CACNA2D3: variants seen among roughly 807,000 people sequenced by gnomAD.
CACNA2D3 encodes voltage-dependent calcium channel subunit alpha-2/delta-3.
CACNA2D3 carries 60 observed loss-of-function variants against 160.6 expected under a neutral mutation model. That is an observed-to-expected ratio of 0.37 (90% CI 0.30 to 0.46). The LOEUF (loss-of-function observed/expected upper bound fraction) is 0.46, where lower values mean the gene tolerates loss of function less well. CACNA2D3 is among the 20% of genes least tolerant of loss of function. The pLI is 1.00. For synonymous variants in CACNA2D3, 558 were observed against 492.9 expected, an observed-to-expected ratio of 1.13 and a Z score of -1.75; for missense variants, 1,205 against 1,365.0, an observed-to-expected ratio of 0.88 and a Z score of 1.85.
intron 3 of CACNA2D3, among the ~76,000 whole-genome samples, chr3:54,341,538 T>C (rs527905395): frequency 3.3e-5 from 5 of 152,294 alleles, no homozygotes; most frequent in Non-Finnish European, 7.4e-5. Flanking sequence ...TGGCATCTGG[T>C]GTACATAGGA....
intron 2 of CACNA2D3, among the ~76,000 whole-genome samples, chr3:54,200,373 G>A (rs1408290204): frequency 6.6e-6 from 1 of 152,306 alleles, no homozygotes; most frequent in South Asian, 2.1e-4. Context: ...GAAATAATTT[G>A]TGGTTTTCAG....
chr3:54,212,863 T>C (rs965716205), intron 2 of CACNA2D3, among the ~76,000 whole-genome samples: 4 of 152,132 alleles, frequency 2.6e-5, no homozygotes, highest in Admixed American at 6.5e-5. Context: ...AAGTGTGAAC[T>C]GGGGATACTG....
At chr3:54,262,748 G>C (rs1702426550) in intron 2 of CACNA2D3, among the ~76,000 whole-genome samples, 1 of 152,202 alleles carries the variant, frequency 6.6e-6, no homozygotes, top group Non-Finnish European at 1.5e-5. Flanking sequence ...GTCTAGCCAA[G>C]AAGAAGCCAT....
At chr3:54,829,918 GGAGTTTTGCTCTGTCACCCAGGCTGGA>G in intron 14 of CACNA2D3, among the ~76,000 whole-genome samples, 1 of 52,466 alleles carries the variant, frequency 1.9e-5, no homozygotes, top group Non-Finnish European at 3.7e-5. Context: ...TTTTTGAGAT[GGAGTTTTGCTCTGTCACCCAGGCTGGA>G]GTGCAGTGGC....
chr3:54,480,965 T>C (rs773666199), intron 4 of CACNA2D3, among the ~76,000 whole-genome samples: 2 of 152,128 alleles, frequency 1.3e-5, no homozygotes, highest in Non-Finnish European at 2.9e-5. Context: ...AGGTTATTCC[T>C]CTCTATAATG....
At chr3:54,567,137 G>T (rs1197143771) in intron 6 of CACNA2D3, among the ~76,000 whole-genome samples, 1 of 152,168 alleles carries the variant, frequency 6.6e-6, no homozygotes, top group Non-Finnish European at 1.5e-5. Flanking sequence ...TCTCTCAGGA[G>T]ATTGGCAAGA....
chr3:54,386,016 AT>A (rs757016052), intron 3 of CACNA2D3: 1 of 492,992 alleles, frequency 2.0e-6, no homozygotes, highest in South Asian at 1.5e-5. Flanking sequence ...AATGATTTTG[AT>A]TGTTGACTAA....
rs1575347499 is a variant in CACNA2D3, at chr3:54,562,669, A to G, written c.545-131A>G. ...CCAGGAGCTAAACGTTTTTGTGGCT[A>G]TAACTTCCTTCATAGCCTCCTGCAA... On this transcript the variant is annotated intron_variant, in intron 5 of 37. Transcript: ENST00000474759. The G allele has an allele frequency of 1.2e-5, 9 of 730,852 alleles. No homozygotes were observed. In the East Asian group the frequency reaches 1.7e-4, roughly 14 times the overall value. The allele number at this position is 730,852 out of a possible 1,614,324, so 45.3% of individuals were successfully genotyped here.
At chr3:54,253,709 G>A (rs1702239872) in intron 2 of CACNA2D3, among the ~76,000 whole-genome samples, 1 of 152,096 alleles carries the variant, frequency 6.6e-6, no homozygotes, top group Non-Finnish European at 1.5e-5. Context: ...TGTGCCTTTT[G>A]GAGGACTTAA....
At position 54,869,098 on chromosome 3, in the gene CACNA2D3, C is replaced by T. The variant is rs762523908; in HGVS notation, c.1627-2441C>T. On this transcript the variant is annotated intron_variant, in intron 17 of 37. Coordinates refer to ENST00000474759, the MANE Select transcript of CACNA2D3 (RefSeq NM_018398.3). ...CACGGCAGAGCCACTGTGACCTTCT[C>T]CTCTGAAAAAGACACGTGGACACTT... 2.6e-5 allele frequency among the ~76,000 whole-genome samples: 4 copies of T among 152,146 alleles called. No homozygotes were observed. The East Asian group carries it at 7.7e-4, about 29-fold the overall frequency.
At position 54,329,990 on chromosome 3, in the gene CACNA2D3, A is replaced by T. The variant is rs117430322; in HGVS notation, c.321+9432A>T. Among the ~76,000 whole-genome samples, 703 of 152,190 alleles carry T rather than the reference A, an allele frequency of 4.6e-3. 22 individuals carry two copies. The East Asian group carries it at 0.084, about 18-fold the overall frequency. ...TCTAAATTAGGTTATGAGGGGGAAA[A>T]TGAAAAGATAGTTAGGAATTCATTG... On this transcript the variant is annotated intron_variant, in intron 3 of 37. Transcript: ENST00000474759.
chr3:54,225,882 T>C (rs954370467), intron 2 of CACNA2D3, among the ~76,000 whole-genome samples: 1 of 152,148 alleles, frequency 6.6e-6, no homozygotes, highest in East Asian at 1.9e-4. Context: ...TCTGCATTGA[T>C]ATTTCTCCAG....
chr3:54,430,136 CTATG>C (rs745515313), intron 4 of CACNA2D3, among the ~76,000 whole-genome samples: 1 of 152,198 alleles, frequency 6.6e-6, no homozygotes, highest in Non-Finnish European at 1.5e-5. Flanking sequence ...CAACTACTTT[CTATG>C]TAAATTGTGG....
chr3:54,335,974 A>G lies in CACNA2D3; in HGVS notation c.321+15416A>G, dbSNP rs540445632. Among the ~76,000 whole-genome samples, 328 of 143,960 alleles carry G rather than the reference A, an allele frequency of 2.3e-3. 1 individual carries two copies. The highest frequency in any genetic ancestry group is 8.2e-3 in the African/African-American group (313 of 38,404). The allele number at this position is 143,960 out of a possible 152,430, so 94.4% of individuals were successfully genotyped here. A position where few individuals can be genotyped will look rare whatever the true frequency, so the allele number is the denominator to read the frequency against. On this transcript the variant is annotated intron_variant, in intron 3 of 37. Transcript: ENST00000474759. ...AGCTGAGATCGCGCCACTGTACTAC[A>G]TAGCCTGGCGACAGAGGAAGACTCC...
intron 2 of CACNA2D3, among the ~76,000 whole-genome samples, chr3:54,274,601 A>G (rs1702693919): frequency 6.6e-6 from 1 of 152,220 alleles, no homozygotes; most frequent in Non-Finnish European, 1.5e-5. Flanking sequence ...GTGGCTTAAA[A>G]CAGCAGCCAT....
intron 2 of CACNA2D3, among the ~76,000 whole-genome samples, chr3:54,198,066 C>A (rs1355287999): frequency 6.6e-6 from 1 of 152,242 alleles, no homozygotes; most frequent in African/African-American, 2.4e-5. Flanking sequence ...AGAGGCCAGA[C>A]TGCTGCCTTG....
Position 54,135,094 on chromosome 3 carries a change from C to T in CACNA2D3, c.204+11500C>T, listed in dbSNP as rs573971748. On this transcript the variant is annotated intron_variant, in intron 2 of 37. Transcript: ENST00000474759. ...TGTGAATTTTAATTTCTGTTCCCTT[C>T]GCCTTCACATGGGGTTGAGGCCCTG... Among the ~76,000 whole-genome samples the T allele has an allele frequency of 8.5e-5, 13 of 152,290 alleles. No individual in the cohort carries two copies. In the East Asian group the frequency reaches 2.3e-3, roughly 27 times the overall value.
chr3:54,626,703 A>G, intron 9 of CACNA2D3: 2 of 748,578 alleles, frequency 2.7e-6, no homozygotes, highest in Non-Finnish European at 4.4e-6. Flanking sequence ...AAAAAAAAAA[A>G]AAAAAAGAAA....
At chr3:54,533,747 G>C (rs1052259692) in intron 5 of CACNA2D3, among the ~76,000 whole-genome samples, 35 of 151,846 alleles carry the variant, frequency 2.3e-4, no homozygotes, top group Non-Finnish European at 4.6e-4. Flanking sequence ...AGGGAAGAAG[G>C]GTCATGGTGT....
Sources: allele counts gnomAD v4.1 joint callset (sites outside exome capture counted in the v4.1 genomes callset), GRCh38; gene constraint gnomAD v4.1.1; transcripts MANE v1.5; gene names NCBI Gene and HGNC (gene_info 2026-07-23, HGNC 2026-07-21).